Variants in STK3 observed in about 807,000 individuals in gnomAD.
The protein encoded by STK3 is serine/threonine-protein kinase 3.
STK3 carries 41 observed loss-of-function variants against 58.0 expected under a neutral mutation model. That is an observed-to-expected ratio of 0.71 (90% CI 0.55 to 0.92). The LOEUF (loss-of-function observed/expected upper bound fraction) is 0.92. Ranked by LOEUF, STK3 falls within the 40% of genes least tolerant of loss-of-function variation. The probability of loss-of-function intolerance (pLI) is 0.00; values close to 1 mark genes in which losing one functional copy is unlikely to be tolerated. For missense variants in STK3, 479 were observed against 602.7 expected (o/e 0.79, Z 2.15); for synonymous variants, 170 against 191.0 (o/e 0.89, Z 0.91).
intron 1 of STK3, among the ~76,000 whole-genome samples, chr8:98,929,332 C>G (rs1839925517): frequency 6.6e-6 from 1 of 152,216 alleles, no homozygotes. Context: ...AAGAGTCACA[C>G]AGCTGATGAG....
intron 6 of STK3, among the ~76,000 whole-genome samples, chr8:98,701,926 TACTC>T (rs1299541589): frequency 6.6e-6 from 1 of 152,210 alleles, no homozygotes; most frequent in Non-Finnish European, 1.5e-5. Context: ...CATTTGCCAC[TACTC>T]ACTAATTTTA....
At position 98,582,356 on chromosome 8, in the gene STK3, G is replaced by A. The variant is rs745548079; in HGVS notation, c.823-2567C>T. ...TATATATATATATTTTTTAGTTTCC[G>A]TTTTTTGCCATTCATGCATTTTTTA... is the stretch of plus-strand genomic sequence containing the variant. On this transcript the variant is annotated intron_variant, in intron 7 of 10. Coordinates refer to ENST00000419617, the MANE Select transcript of STK3 (RefSeq NM_006281.4). Among the ~76,000 whole-genome samples the A allele has an allele frequency of 4.6e-5, 7 of 151,444 alleles. No individual in the cohort carries two copies. The South Asian group carries it at 8.4e-4, about 18-fold the overall frequency.
At chr8:98,689,219 T>A (rs1330469980) in intron 6 of STK3, among the ~76,000 whole-genome samples, 3 of 151,890 alleles carry the variant, frequency 2.0e-5, no homozygotes, top group Non-Finnish European at 4.4e-5. Context: ...GAAACAGAAA[T>A]CCTGAACAGA....
chr8:98,362,572 A>G, the STK3 span, among the ~76,000 whole-genome samples: 31 of 152,224 alleles, frequency 2.0e-4, no homozygotes, highest in African/African-American at 7.2e-4. Flanking sequence ...ATCTGCATCC[A>G]CCCAGCGTCT....
the STK3 span, among the ~76,000 whole-genome samples, chr8:98,357,218 A>G: frequency 6.6e-6 from 1 of 152,124 alleles, no homozygotes; most frequent in Non-Finnish European, 1.5e-5. Flanking sequence ...AACTATAGAG[A>G]TGCAAATTGG....
intron 6 of STK3, among the ~76,000 whole-genome samples, chr8:98,626,762 T>A (rs551976500): frequency 2.0e-5 from 3 of 152,306 alleles, no homozygotes; most frequent in Non-Finnish European, 4.4e-5. Flanking sequence ...CAAGTCTGCA[T>A]GGGGAAATAA....
intron 3 of STK3, among the ~76,000 whole-genome samples, chr8:98,872,561 G>T (rs1000112289): frequency 1.7e-4 from 26 of 152,184 alleles, no homozygotes; most frequent in African/African-American, 6.0e-4. Context: ...TCCCAGTTTA[G>T]TCTTGGGAGG....
chr8:98,586,316 A>T (rs1449461425), intron 7 of STK3, among the ~76,000 whole-genome samples: 1 of 152,126 alleles, frequency 6.6e-6, no homozygotes. Flanking sequence ...AGGGTGGTTG[A>T]ATTTTGTCAA....
intron 6 of STK3, among the ~76,000 whole-genome samples, chr8:98,685,234 G>T (rs778396446): frequency 6.6e-6 from 1 of 152,044 alleles, no homozygotes; most frequent in Non-Finnish European, 1.5e-5. Context: ...ATGGAAACAC[G>T]TCTCCAAAAC....
intron 8 of STK3, among the ~76,000 whole-genome samples, chr8:98,561,247 T>C (rs1405479335): frequency 6.6e-6 from 1 of 151,308 alleles, no homozygotes; most frequent in Non-Finnish European, 1.5e-5. Context: ...GGCAACTCAT[T>C]GGAGAAAGAA....
intron 9 of STK3, among the ~76,000 whole-genome samples, chr8:98,535,745 G>A (rs138788228): frequency 2.1e-4 from 32 of 152,228 alleles, no homozygotes; most frequent in African/African-American, 7.2e-4. Flanking sequence ...TACATATTAA[G>A]AGTAGCAGCA....
intron 6 of STK3, among the ~76,000 whole-genome samples, chr8:98,639,668 A>G (rs1181273450): frequency 6.6e-6 from 1 of 152,246 alleles, no homozygotes; most frequent in Admixed American, 6.5e-5. Context: ...GGCATATAGT[A>G]ATAATTCATT....
chr8:98,869,074 G>A (rs113793078), intron 3 of STK3, among the ~76,000 whole-genome samples: 73 of 130,462 alleles, frequency 5.6e-4, no homozygotes, highest in African/African-American at 2.0e-3. Context: ...AAGGAAGGAA[G>A]GAAGGAAGGA....
chr8:98,518,971 C>T (rs1586761099), intron 10 of STK3, among the ~76,000 whole-genome samples: 1 of 152,098 alleles, frequency 6.6e-6, no homozygotes, highest in South Asian at 2.1e-4. Context: ...TTTATTTCTT[C>T]TTTACCCTAG....
intron 1 of STK3, among the ~76,000 whole-genome samples, chr8:98,440,138 T>C (rs1157285090): frequency 6.6e-6 from 1 of 152,096 alleles, no homozygotes; most frequent in East Asian, 1.9e-4. Flanking sequence ...GAGTTGAGGG[T>C]AGGCTGCTCC....
chr8:98,409,574 A>G (rs1190819973), intron 3 of STK3, among the ~76,000 whole-genome samples: 1 of 152,084 alleles, frequency 6.6e-6, no homozygotes, highest in Non-Finnish European at 1.5e-5. Flanking sequence ...CCAAAAGCAA[A>G]CCTCTCATCT....
chr8:98,921,953 CA>C (rs1187847356), intron 1 of STK3, among the ~76,000 whole-genome samples: 2 of 152,086 alleles, frequency 1.3e-5, no homozygotes, highest in African/African-American at 2.4e-5. Flanking sequence ...CTCGGCCTTC[CA>C]AAATGCTGGG....
At chr8:98,744,481 A>C (rs1250077698) in intron 4 of STK3, among the ~76,000 whole-genome samples, 3 of 150,654 alleles carry the variant, frequency 2.0e-5, no homozygotes, top group Non-Finnish European at 3.0e-5. Flanking sequence ...TATCACAAGA[A>C]CCAAAAAACC....
chr8:98,933,561 T>C (rs1051570804), intron 1 of STK3, among the ~76,000 whole-genome samples: 6 of 152,182 alleles, frequency 3.9e-5, no homozygotes, highest in Non-Finnish European at 8.8e-5. Context: ...AAATGTGTAA[T>C]AGGAACTATC....
Sources: allele counts gnomAD v4.1 joint callset (sites outside exome capture counted in the v4.1 genomes callset), GRCh38; gene constraint gnomAD v4.1.1; transcripts MANE v1.5; gene names NCBI Gene and HGNC (gene_info 2026-07-23, HGNC 2026-07-21).